The following PTPRD variants were observed in gnomAD, a reference collection of about 807,000 sequenced individuals.
The protein encoded by PTPRD is protein tyrosine phosphatase receptor type D.
PTPRD carries 34 observed loss-of-function variants against 214.5 expected under a neutral mutation model. That is an observed-to-expected ratio of 0.16 (90% confidence interval 0.12 to 0.21). The LOEUF is 0.21. PTPRD is among the 10% of genes least tolerant of loss of function. PTPRD has a pLI of 1.00. For synonymous variants in PTPRD, 1,128 were observed against 845.7 expected (o/e 1.33, Z -5.79); for missense variants, 2,545 against 2,398.7 (o/e 1.06, Z -1.27).
At position 9,853,094 on chromosome 9, in the gene PTPRD, A is replaced by G. The variant is rs192752427; in HGVS notation, c.-368+85413T>C. On this transcript the variant is annotated intron_variant, in intron 5 of 45. Coordinates refer to ENST00000381196, the MANE Select transcript of PTPRD (RefSeq NM_002839.4). ...TTTAAGTCACATATTATTTAAATGT[A>G]CCCTATGACATAGAAGACCTCTAGT... Among the ~76,000 whole-genome samples, 7 of 152,334 alleles carry G rather than the reference A, an allele frequency of 4.6e-5. No individual in the cohort carries two copies. In the East Asian group the frequency reaches 1.3e-3, roughly 29 times the overall value.
chr9:10,147,264 C>T (rs1022089846), intron 3 of PTPRD, among the ~76,000 whole-genome samples: 2 of 151,022 alleles, frequency 1.3e-5, no homozygotes, highest in African/African-American at 2.4e-5. Flanking sequence ...ACATATAGTT[C>T]TTTTTTTTTA....
intron 9 of PTPRD, among the ~76,000 whole-genome samples, chr9:9,253,162 C>T (rs901693920): frequency 2.0e-5 from 3 of 151,986 alleles, no homozygotes; most frequent in Non-Finnish European, 2.9e-5. Flanking sequence ...TTTTGAAGTA[C>T]CTACTGACAT....
intron 3 of PTPRD, among the ~76,000 whole-genome samples, chr9:10,111,968 G>C (rs1376808961): frequency 6.6e-6 from 1 of 152,174 alleles, no homozygotes; most frequent in Non-Finnish European, 1.5e-5. Context: ...AAGTCCAGCA[G>C]ATGTACTTTC....
At chr9:8,715,646 C>G (rs1375313456) in intron 12 of PTPRD, among the ~76,000 whole-genome samples, 1 of 152,068 alleles carries the variant, frequency 6.6e-6, no homozygotes, top group East Asian at 1.9e-4. Flanking sequence ...TACAAAAATG[C>G]AACAGTCAGG....
Position 10,278,761 on chromosome 9 carries a change from G to GTT in PTPRD, c.-545+62200_-545+62201dup, listed in dbSNP as rs550606488. ...ATCTTATCTTCATGTGTGGTAAAAG[G>GTT]TTTTTTTTTTGTTTTGTTTTGTTTT... On this transcript the variant is annotated intron_variant, in intron 3 of 45. Coordinates refer to ENST00000381196, the MANE Select transcript of PTPRD (RefSeq NM_002839.4). 3.7e-3 allele frequency among the ~76,000 whole-genome samples: 547 copies of GTT among 147,700 alleles called. 5 individuals carry two copies. Among genetic ancestry groups the GTT allele is most frequent in the African/African-American group, 0.013 (528 of 40,250 alleles).
At chr9:10,240,659 C>A (rs1357203655) in intron 3 of PTPRD, among the ~76,000 whole-genome samples, 1 of 151,720 alleles carries the variant, frequency 6.6e-6, no homozygotes, top group African/African-American at 2.4e-5. Context: ...TACAAAATGA[C>A]AAAATGTTAA....
At chr9:10,517,949 A>G (rs1410860739) in intron 2 of PTPRD, among the ~76,000 whole-genome samples, 1 of 152,178 alleles carries the variant, frequency 6.6e-6, no homozygotes, top group Non-Finnish European at 1.5e-5. Flanking sequence ...AGTTTTGAAC[A>G]GAGTTTGGAA....
At chr9:9,217,553 T>A (rs1274263160) in intron 9 of PTPRD, among the ~76,000 whole-genome samples, 1 of 150,140 alleles carries the variant, frequency 6.7e-6, no homozygotes, top group Non-Finnish European at 1.5e-5. Flanking sequence ...TCGGATCCTT[T>A]ATCCATTCAG....
intron 11 of PTPRD, among the ~76,000 whole-genome samples, chr9:8,760,192 C>T (rs533080748): frequency 4.9e-4 from 74 of 152,286 alleles, no homozygotes; most frequent in African/African-American, 1.6e-3. Flanking sequence ...CGGCCTCCAC[C>T]GCGCCTGGCC....
At chr9:10,387,876 G>C (rs890291018) in intron 2 of PTPRD, among the ~76,000 whole-genome samples, 4 of 129,264 alleles carry the variant, frequency 3.1e-5, no homozygotes, top group Non-Finnish European at 3.1e-5. Flanking sequence ...GCTCAGGCTG[G>C]TATCAAACTC....
intron 5 of PTPRD, among the ~76,000 whole-genome samples, chr9:9,882,851 G>A (rs1193012516): frequency 6.6e-6 from 1 of 152,040 alleles, no homozygotes; most frequent in African/African-American, 2.4e-5. Flanking sequence ...TTCGGCCACT[G>A]GGGTGAATCC....
chr9:8,932,653 G>A (rs1224075546), intron 11 of PTPRD, among the ~76,000 whole-genome samples: 1 of 152,168 alleles, frequency 6.6e-6, no homozygotes, highest in Non-Finnish European at 1.5e-5. Context: ...GAACTTCCCA[G>A]CGGCTTTGTT....
At chr9:10,223,701 A>AATG (rs1158985688) in intron 3 of PTPRD, among the ~76,000 whole-genome samples, 4 of 147,678 alleles carry the variant, frequency 2.7e-5, no homozygotes, top group Admixed American at 6.8e-5. Flanking sequence ...TAATAATAAT[A>AATG]ATAATAATAA....
chr9:9,278,545 G>T (rs1946488616), intron 9 of PTPRD, among the ~76,000 whole-genome samples: 1 of 151,212 alleles, frequency 6.6e-6, no homozygotes, highest in South Asian at 2.1e-4. Flanking sequence ...GTCAGATGAG[G>T]GATTTGGGAA....
intron 10 of PTPRD, chr9:9,091,015 G>T (rs888659294): frequency 2.0e-5 from 32 of 1,569,612 alleles, no homozygotes; most frequent in Admixed American, 3.3e-5. Flanking sequence ...TAAGAAATTC[G>T]TCATTCGAAA....
chr9:9,264,327 A>G (rs1937983613), intron 9 of PTPRD, among the ~76,000 whole-genome samples: 1 of 151,794 alleles, frequency 6.6e-6, no homozygotes, highest in Non-Finnish European at 1.5e-5. Flanking sequence ...ATAAAGAAAG[A>G]GATAGAAATC....
At position 10,043,934 on chromosome 9, in the gene PTPRD, C is replaced by G. The variant is rs144402369; in HGVS notation, c.-544-10144G>C. Among the ~76,000 whole-genome samples, 780 of 151,898 alleles carry G rather than the reference C, an allele frequency of 5.1e-3. 4 individuals are homozygous for G. Among genetic ancestry groups the G allele is most frequent in the Non-Finnish European group, 8.2e-3 (557 of 67,798 alleles). On this transcript the variant is annotated intron_variant, in intron 3 of 45. Transcript: ENST00000381196. ...AGAATTGTGATTTATATTAACTCTT[C>G]TATTCTGATTACTGGCTATTTTTTA... is the stretch of plus-strand genomic sequence containing the variant.
At chr9:9,414,059 C>T (rs774243490) in intron 8 of PTPRD, among the ~76,000 whole-genome samples, 5 of 152,184 alleles carry the variant, frequency 3.3e-5, no homozygotes, top group African/African-American at 4.8e-5. Context: ...AATTCACCTC[C>T]TATTATTTAA....
intron 11 of PTPRD, among the ~76,000 whole-genome samples, chr9:9,010,402 G>A (rs2099505441): frequency 6.6e-6 from 1 of 152,164 alleles, no homozygotes; most frequent in Admixed American, 6.5e-5. Context: ...CCTGCTCTGT[G>A]TCTGGTGAGT....
Sources: gnomAD v4.1 joint callset for allele counts (sites outside exome capture counted in the v4.1 genomes callset) on GRCh38, gnomAD v4.1.1 for gene constraint, MANE v1.5 for transcripts, NCBI Gene and HGNC (gene_info 2026-07-23, HGNC 2026-07-21) for gene names.